The following GABRR2 variants were observed in gnomAD, a reference collection of about 807,000 sequenced individuals.
GABRR2 encodes gamma-aminobutyric acid type A receptor subunit rho2, also known as gamma-aminobutyric acid receptor subunit rho-2.
GABRR2 carries 36 observed loss-of-function variants against 47.0 expected under a neutral mutation model. The observed-to-expected ratio is 0.77, with a 90% CI of 0.59 to 1.01. GABRR2 has a LOEUF of 1.01. GABRR2 is among the 50% of genes least tolerant of loss of function. The pLI, the probability that GABRR2 is intolerant of heterozygous loss-of-function variation, is 0.00. For missense variants in GABRR2, 587 were observed against 594.6 expected (o/e 0.99, Z 0.13); for synonymous variants, 204 against 227.5 (o/e 0.90, Z 0.93).
intron 2 of GABRR2, among the ~76,000 whole-genome samples, chr6:89,275,355 C>A (rs1774139672): frequency 6.6e-6 from 1 of 152,092 alleles, no homozygotes; most frequent in Admixed American, 6.6e-5. Flanking sequence ...CTCACTGCAA[C>A]CTCTACCTCC....
intron 2 of GABRR2, among the ~76,000 whole-genome samples, chr6:89,296,649 G>A (rs1271389641): frequency 2.6e-5 from 4 of 152,328 alleles, no homozygotes; most frequent in East Asian, 1.9e-4. Context: ...GACCCTCTAC[G>A]CTCTGGAGGG....
intron 8 of GABRR2, among the ~76,000 whole-genome samples, chr6:89,258,963 G>C (rs956906253): frequency 8.6e-5 from 13 of 150,886 alleles, no homozygotes; most frequent in African/African-American, 2.7e-4. Context: ...ATGGCAAAAT[G>C]TTAGCAATGT....
At chr6:89,311,740 A>G (rs1433242668) in intron 1 of GABRR2, among the ~76,000 whole-genome samples, 1 of 152,212 alleles carries the variant, frequency 6.6e-6, no homozygotes, top group East Asian at 1.9e-4. Context: ...CCTGAACTGC[A>G]GGACGTTAGG....
chr6:89,291,056 A>C (rs995774134), intron 2 of GABRR2, among the ~76,000 whole-genome samples: 1 of 151,724 alleles, frequency 6.6e-6, no homozygotes, highest in Non-Finnish European at 1.5e-5. Flanking sequence ...CTGTTACTAT[A>C]TCCTTTCCTC....
chr6:89,314,100 G>T (rs561390591), intron 1 of GABRR2, among the ~76,000 whole-genome samples: 100 of 147,614 alleles, frequency 6.8e-4, no homozygotes, highest in Non-Finnish European at 1.2e-3. Context: ...TATGTGATTT[G>T]TAAGTAAATA....
intron 8 of GABRR2, among the ~76,000 whole-genome samples, chr6:89,262,339 G>A (rs1217543495): frequency 6.6e-6 from 1 of 152,160 alleles, no homozygotes. Context: ...GCATGTGTCA[G>A]GACTACCTTC....
chr6:89,284,310 A>G (rs1348198376), intron 2 of GABRR2, among the ~76,000 whole-genome samples: 1 of 152,194 alleles, frequency 6.6e-6, no homozygotes, highest in East Asian at 1.9e-4. Context: ...TGCACCTTAC[A>G]TATATATGTC....
chr6:89,293,033 C>A (rs1433673768), intron 2 of GABRR2, among the ~76,000 whole-genome samples: 2 of 151,524 alleles, frequency 1.3e-5, no homozygotes, highest in African/African-American at 4.9e-5. Flanking sequence ...TTCACAATAG[C>A]CAAAAAGAAG....
intron 6 of GABRR2, among the ~76,000 whole-genome samples, chr6:89,266,089 G>T (rs551403442): frequency 1.5e-4 from 23 of 152,256 alleles, no homozygotes; most frequent in Non-Finnish European, 3.1e-4. Context: ...TTGAGACAGG[G>T]TCTTGCTCTG....
In GABRR2 at chr6:89,292,804, C is replaced by CGATATATCATATATATCATATATATA. The variant is rs1774488294; in HGVS notation, c.220+6954_220+6955insTATATATATGATATATATGATATATC. Among the ~76,000 whole-genome samples the CGATATATCATATATATCATATATATA allele has an allele frequency of 1.2e-4, 2 of 16,284 alleles. 1 individual carries two copies. The highest frequency in any genetic ancestry group is 8.3e-4 in the African/African-American group (2 of 2,424). 10.7% of individuals were successfully genotyped at this position (16,284 alleles called of 152,430 possible). A position where few individuals can be genotyped will look rare whatever the true frequency, so the allele number is the denominator to read the frequency against. Reference sequence around the variant, plus strand: ...CGTATATACGATATATCGTATATATCGTATATACGATATATCGTATATATC... The same window carrying CGATATATCATATATATCATATATATA: ...CGTATATACGATATATCGTATATATCGATATATCATATATATCATATATATAGTATATACGATATATCGTATATATC... On this transcript the variant is annotated intron_variant, in intron 2 of 8. Coordinates refer to ENST00000402938, the MANE Select transcript of GABRR2 (RefSeq NM_002043.5).
chr6:89,263,668 G>A (rs1200489736), intron 8 of GABRR2, among the ~76,000 whole-genome samples: 3 of 152,050 alleles, frequency 2.0e-5, no homozygotes, highest in African/African-American at 4.8e-5. Flanking sequence ...GATTACAGGC[G>A]TGCACCACCA....
chr6:89,292,780 G>A (rs62417506), intron 2 of GABRR2, among the ~76,000 whole-genome samples: 2,562 of 12,488 alleles, frequency 0.21, 605 homozygotes, highest in East Asian at 0.76. Flanking sequence ...CGTATATATC[G>A]TATATACGAT....
chr6:89,267,000 T>C (rs1466092308), intron 6 of GABRR2, among the ~76,000 whole-genome samples: 3 of 41,824 alleles, frequency 7.2e-5, no homozygotes, highest in Non-Finnish European at 1.7e-4. Context: ...TCTTTTCTTC[T>C]TTTTTTTTTT....
At chr6:89,283,625 A>G (rs1458176106) in intron 2 of GABRR2, among the ~76,000 whole-genome samples, 1 of 152,192 alleles carries the variant, frequency 6.6e-6, no homozygotes, top group Non-Finnish European at 1.5e-5. Flanking sequence ...ATATATATGC[A>G]TATTTCATAT....
At chr6:89,280,253 T>TATATATATATATAC (rs1242640059) in intron 2 of GABRR2, among the ~76,000 whole-genome samples, 40 of 124,798 alleles carry the variant, frequency 3.2e-4, no homozygotes, top group African/African-American at 6.0e-4. Flanking sequence ...TATATATATA[T>TATATATATATATAC]ACATACATAT....
intron 1 of GABRR2, among the ~76,000 whole-genome samples, chr6:89,306,457 TCTTTGCCAAATATGATGCTCCTTA>T (rs1475048719): frequency 6.6e-6 from 1 of 152,248 alleles, no homozygotes; most frequent in Non-Finnish European, 1.5e-5. Context: ...GCTGGTTTTA[TCTTTGCCAAATATGATGCTCCTTA>T]CTTCAGTCCA....
At position 89,267,791 on chromosome 6, in the gene GABRR2, C is replaced by T. The variant is rs763253801; in HGVS notation, c.624G>A (p.Leu208=). 5.6e-6 allele frequency: 9 copies of T among 1,613,628 alleles called. No homozygotes were observed. The highest frequency in any genetic ancestry group is 3.3e-4 in the Middle Eastern group (2 of 6,034). The change falls in exon 6 of 9, where the codon CTG becomes CTA. Residue 208 remains leucine (L), a synonymous_variant. Transcript: ENST00000402938. ...SYAYTDEDLM[L]YWKNGDESLK... ...GGGATTCATCCCCATTCTTCCAGTA[C>T]AGCATTAGATCTTCATCTGTATAGG...
At chr6:89,283,299 T>A (rs1223754843) in intron 2 of GABRR2, among the ~76,000 whole-genome samples, 1 of 152,164 alleles carries the variant, frequency 6.6e-6, no homozygotes, top group African/African-American at 2.4e-5. Flanking sequence ...AATCCTATGA[T>A]TTTCAAAATT....
Position 89,269,099 on chromosome 6 carries a change from G to A in GABRR2, c.424C>T (p.His142Tyr). 1 of 1,614,020 alleles carries A rather than the reference G, an allele frequency of 6.2e-7. No homozygotes were observed. Among genetic ancestry groups the A allele is most frequent in the Non-Finnish European group, 8.5e-7 (1 of 1,179,896 alleles). The change falls in exon 4 of 9, where the codon CAC (histidine) becomes TAC (tyrosine). Residue 142 changes from histidine to tyrosine, a missense_variant. His to Tyr is a moderately conservative substitution (Grantham distance 83, BLOSUM62 2). Coordinates refer to ENST00000402938, the MANE Select transcript of GABRR2 (RefSeq NM_002043.5). ...KIWVPDVFFV[H>Y]SKRSFTHDTT... ...TCATGAGTGAACGATCTTTTGGAGT[G>A]AACAAAGAAGACATCAGGGACCCAG...
Sources: gnomAD v4.1 joint callset for allele counts (sites outside exome capture counted in the v4.1 genomes callset) on GRCh38, gnomAD v4.1.1 for gene constraint, MANE v1.5 for transcripts, NCBI Gene and HGNC (gene_info 2026-07-23, HGNC 2026-07-21) for gene names.